Variants in RPH3AL observed in about 807,000 individuals in gnomAD.
The protein encoded by RPH3AL is rabphilin 3A like (without C2 domains), also known as rab effector Noc2.
RPH3AL carries 38 observed loss-of-function variants against 43.1 expected under a neutral mutation model. The observed-to-expected ratio is 0.88, with a 90% CI of 0.68 to 1.15. The LOEUF is 1.15. Among genes scored for constraint, RPH3AL ranks in the 50% most tolerant of loss-of-function variants. The probability of loss-of-function intolerance (pLI) is 0.00; values close to 1 mark genes in which losing one functional copy is unlikely to be tolerated. For missense variants in RPH3AL, 462 were observed against 423.2 expected (o/e 1.09, Z -0.81); for synonymous variants, 189 against 176.3 (o/e 1.07, Z -0.57).
At chr17:321,659 G>T in intron 3 of RPH3AL, 1 of 461,496 alleles carries the variant, frequency 2.2e-6, no homozygotes, top group Non-Finnish European at 3.8e-6. Flanking sequence ...TGGGATTGCG[G>T]GCAACAGAGA....
rs2040720862 is a variant in RPH3AL, at chr17:213,551, C to T, written c.*301G>A. On this transcript the variant is annotated 3_prime_UTR_variant, in exon 10 of 10. Transcript: ENST00000331302. ...CATGTGGGAAACCCCCCAGCCCAACCCAAGACACGCGCAAACTTAAAATCA... is the reference window on the plus strand; with the variant it reads ...CATGTGGGAAACCCCCCAGCCCAACTCAAGACACGCGCAAACTTAAAATCA... The T allele has an allele frequency of 4.0e-6, 2 of 503,114 alleles. No homozygotes were observed. Among genetic ancestry groups the T allele is most frequent in the Non-Finnish European group, 7.2e-6 (2 of 276,882 alleles). The allele number at this position is 503,114 out of a possible 1,614,324, so 31.2% of individuals were successfully genotyped here.
chr17:315,652 T>C (rs1598098188), intron 5 of RPH3AL, among the ~76,000 whole-genome samples: 3 of 151,590 alleles, frequency 2.0e-5, no homozygotes, highest in Non-Finnish European at 4.4e-5. Context: ...GTAGTCCCTG[T>C]GCTCCACCTC....
intron 7 of RPH3AL, among the ~76,000 whole-genome samples, chr17:226,976 G>C (rs749838173): frequency 6.6e-6 from 1 of 152,248 alleles, no homozygotes; most frequent in Non-Finnish European, 1.5e-5. Flanking sequence ...TTTTCAGATG[G>C]AAGATGCGAG....
intron 5 of RPH3AL, among the ~76,000 whole-genome samples, chr17:302,587 G>A (rs370291341): frequency 3.4e-4 from 52 of 152,310 alleles, no homozygotes; most frequent in African/African-American, 1.1e-3. Flanking sequence ...TAAGCTCAAC[G>A]GGAAACAGGA....
intron 7 of RPH3AL, among the ~76,000 whole-genome samples, chr17:223,196 G>GAA (rs11370789): frequency 0.015 from 2,206 of 144,606 alleles, 42 homozygotes; most frequent in African/African-American, 0.044. Context: ...TCTCAAAAAA[G>GAA]AAAAAAAAAA....
intron 5 of RPH3AL, among the ~76,000 whole-genome samples, chr17:309,718 G>GCCA (rs1227077186): frequency 6.5e-5 from 9 of 139,230 alleles, no homozygotes; most frequent in African/African-American, 3.0e-4. Flanking sequence ...GCCTCCTGCT[G>GCCA]GGGGTCCAGG....
chr17:258,955 GC>G (rs1346251969), intron 6 of RPH3AL, among the ~76,000 whole-genome samples: 172 of 152,134 alleles, frequency 1.1e-3, no homozygotes, highest in African/African-American at 3.9e-3. Flanking sequence ...TATCAAAAAA[GC>G]CCGTCAACTT....
chr17:272,797 C>T (rs953920305), intron 6 of RPH3AL, among the ~76,000 whole-genome samples: 1 of 144,674 alleles, frequency 6.9e-6, no homozygotes, highest in Non-Finnish European at 1.5e-5. Context: ...CACCAAAAAA[C>T]CATGTAAGAC....
intron 6 of RPH3AL, among the ~76,000 whole-genome samples, chr17:266,229 T>TGC (rs1555547958): frequency 8.7e-4 from 132 of 151,888 alleles, no homozygotes; most frequent in African/African-American, 2.9e-3. Flanking sequence ...TGTGTGTGTG[T>TGC]GCGTGCACCT....
chr17:280,241 A>G (rs898041368), intron 6 of RPH3AL, among the ~76,000 whole-genome samples: 5 of 152,116 alleles, frequency 3.3e-5, no homozygotes, highest in African/African-American at 1.2e-4. Context: ...ACTAAAAGTG[A>G]CCCTTGGGAG....
chr17:236,134 A>G (rs11655874), intron 7 of RPH3AL, among the ~76,000 whole-genome samples: 40,346 of 152,028 alleles, frequency 0.27, 5,486 homozygotes, highest in African/African-American at 0.31. Flanking sequence ...CCCTGCTCCC[A>G]ACCTGGGCTT....
chr17:283,725 G>T lies in RPH3AL; in HGVS notation c.352-1871C>A, dbSNP rs1177374243. Among the ~76,000 whole-genome samples the T allele has an allele frequency of 6.6e-6, 1 of 152,134 alleles. No homozygotes were observed. The highest frequency in any genetic ancestry group is 1.5e-5 in the Non-Finnish European group (1 of 68,022). ...GTCCTGGGTTTGGGATCATTGCTAGGCTGGGCTTCAGCCCTTCCAAGGACC... is the reference window on the plus strand; with the variant it reads ...GTCCTGGGTTTGGGATCATTGCTAGTCTGGGCTTCAGCCCTTCCAAGGACC... On this transcript the variant is annotated intron_variant, in intron 5 of 9. Transcript: ENST00000331302. This position sits in a 1 kb window ranked among gnomAD's most constrained non-coding sequence, Gnocchi z 4.2.
chr17:268,884 T>A (rs2042387212), intron 6 of RPH3AL, among the ~76,000 whole-genome samples: 2 of 151,950 alleles, frequency 1.3e-5, no homozygotes, highest in South Asian at 4.1e-4. Flanking sequence ...TTTTTATTTA[T>A]TATTATTTTT....
intron 3 of RPH3AL, among the ~76,000 whole-genome samples, chr17:326,269 T>C (rs986041035): frequency 1.3e-5 from 2 of 152,264 alleles, no homozygotes; most frequent in African/African-American, 4.8e-5. Context: ...TCCGCTCTCC[T>C]GGGGCGTTTC....
chr17:272,519 A>G (rs563677250), intron 6 of RPH3AL, among the ~76,000 whole-genome samples: 3 of 146,324 alleles, frequency 2.1e-5, no homozygotes, highest in Non-Finnish European at 3.0e-5. Flanking sequence ...AAAACCAAAC[A>G]CCGCATGTTC....
At position 321,493 on chromosome 17, in the gene RPH3AL, C is replaced by A. The variant is rs956993600; in HGVS notation, c.78-78G>T. 33 of 1,431,014 alleles carry A rather than the reference C, an allele frequency of 2.3e-5. No homozygotes were observed. The Admixed American group carries it at 2.7e-4, about 11-fold the overall frequency. The allele number at this position is 1,431,014 out of a possible 1,614,324, so 88.6% of individuals were successfully genotyped here. ...GCAGCCCCTACCACATCCACCAAGC[C>A]CCCCCGAGAACAGTCAGTGGACGGC... On this transcript the variant is annotated intron_variant, in intron 3 of 9. Coordinates refer to ENST00000331302, the MANE Select transcript of RPH3AL (RefSeq NM_006987.4).
rs765011835 is a variant in RPH3AL, at chr17:290,275, G to C, written c.352-8421C>G. On this transcript the variant is annotated intron_variant, in intron 5 of 9. Coordinates refer to ENST00000331302, the MANE Select transcript of RPH3AL (RefSeq NM_006987.4). The surrounding 1 kb of genome is among the most constrained non-coding windows in gnomAD (Gnocchi z 4.2). Reference sequence around the variant, plus strand: ...GCCAAACCAGGGAGAGCCACACAGCGGGCAAGTGTCCGAGGAGGTGGGGTG... The same window carrying C: ...GCCAAACCAGGGAGAGCCACACAGCCGGCAAGTGTCCGAGGAGGTGGGGTG... Among the ~76,000 whole-genome samples the C allele has an allele frequency of 2.6e-5, 4 of 152,192 alleles. No individual in the cohort carries two copies. Among genetic ancestry groups the C allele is most frequent in the African/African-American group, 4.8e-5 (2 of 41,438 alleles).
intron 7 of RPH3AL, among the ~76,000 whole-genome samples, chr17:241,411 A>G (rs1468621988): frequency 6.6e-6 from 1 of 152,172 alleles, no homozygotes; most frequent in Non-Finnish European, 1.5e-5. Context: ...TTAAAAAAGT[A>G]AAAAAACCTA....
intron 6 of RPH3AL, among the ~76,000 whole-genome samples, chr17:253,242 CCT>C (rs1555543319): frequency 6.6e-6 from 1 of 152,170 alleles, no homozygotes; most frequent in Non-Finnish European, 1.5e-5. Flanking sequence ...TGCTCCCCCA[CCT>C]CACGCCCAGC....
Sources: allele counts gnomAD v4.1 joint callset (sites outside exome capture counted in the v4.1 genomes callset), GRCh38; gene constraint gnomAD v4.1.1; non-coding constraint Gnocchi (gnomAD v3.1); transcripts MANE v1.5; gene names NCBI Gene and HGNC (gene_info 2026-07-23, HGNC 2026-07-21).